Variants in PTPRG observed in about 807,000 individuals in gnomAD.
The protein encoded by PTPRG is receptor-type tyrosine-protein phosphatase gamma.
PTPRG carries 102 observed loss-of-function variants against 165.3 expected under a neutral mutation model. The observed-to-expected ratio is 0.62, with a 90% confidence interval of 0.53 to 0.73. The LOEUF (loss-of-function observed/expected upper bound fraction) is 0.73, where lower values mean the gene tolerates loss of function less well. PTPRG is among the 30% of genes least tolerant of loss of function. The pLI is 0.00. For synonymous variants in PTPRG, 675 were observed against 669.5 expected (o/e 1.01, Z -0.13); for missense variants, 1,866 against 1,861.4 (o/e 1.00, Z -0.05).
At chr3:61,953,043 G>A (rs2039936005) in intron 2 of PTPRG, among the ~76,000 whole-genome samples, 1 of 152,154 alleles carries the variant, frequency 6.6e-6, no homozygotes. Flanking sequence ...CTAGGATCCA[G>A]CAATGACTTT....
At chr3:62,044,433 G>A (rs11918711) in intron 4 of PTPRG, among the ~76,000 whole-genome samples, 3,433 of 152,204 alleles carry the variant, frequency 0.023, 125 homozygotes, top group African/African-American at 0.078. Flanking sequence ...CAGCTACTCA[G>A]GAGGCTGAGG....
At chr3:61,852,158 A>G (rs2036980978) in intron 2 of PTPRG, among the ~76,000 whole-genome samples, 1 of 152,276 alleles carries the variant, frequency 6.6e-6, no homozygotes, top group South Asian at 2.1e-4. Flanking sequence ...AGGTGTTTGG[A>G]TACAGTATTA....
At chr3:62,075,317 A>G (rs1701346943) in intron 4 of PTPRG, among the ~76,000 whole-genome samples, 1 of 152,180 alleles carries the variant, frequency 6.6e-6, no homozygotes, top group Admixed American at 6.5e-5. Context: ...AAAGAAAGTG[A>G]AGTGTAATTT....
intron 2 of PTPRG, among the ~76,000 whole-genome samples, chr3:61,899,436 G>C (rs1184461679): frequency 6.6e-6 from 1 of 152,222 alleles, no homozygotes; most frequent in African/African-American, 2.4e-5. Flanking sequence ...AGTTGTGTTT[G>C]AGAGTGAACA....
chr3:61,805,195 C>G (rs1049220626), intron 2 of PTPRG, among the ~76,000 whole-genome samples: 5 of 152,076 alleles, frequency 3.3e-5, no homozygotes, highest in Non-Finnish European at 5.9e-5. Context: ...GGGCTTTTGG[C>G]AATGTTTGGA....
chr3:62,211,701 T>C (rs2106864817), intron 12 of PTPRG, among the ~76,000 whole-genome samples: 1 of 152,304 alleles, frequency 6.6e-6, no homozygotes. Flanking sequence ...TCCCTACTCC[T>C]GATAGAGGCC....
At chr3:61,599,408 A>G (rs1199923392) in intron 1 of PTPRG, among the ~76,000 whole-genome samples, 1 of 152,156 alleles carries the variant, frequency 6.6e-6, no homozygotes, top group Non-Finnish European at 1.5e-5. Context: ...TTGGCTTCCC[A>G]AAGTGTTGAG....
chr3:61,798,620 T>C (rs778990848), intron 2 of PTPRG, among the ~76,000 whole-genome samples: 60 of 32,524 alleles, frequency 1.8e-3, no homozygotes, highest in Non-Finnish European at 2.8e-3. Context: ...TTGCTGCTGG[T>C]TTTTTTTTTT....
chr3:62,029,649 A>G (rs1405891586), intron 4 of PTPRG, among the ~76,000 whole-genome samples: 1 of 152,206 alleles, frequency 6.6e-6, no homozygotes, highest in Non-Finnish European at 1.5e-5. Flanking sequence ...GTGACCTTCA[A>G]ACCTCTTTTA....
chr3:61,973,221 T>C (rs1233790447), intron 2 of PTPRG, among the ~76,000 whole-genome samples: 1 of 152,246 alleles, frequency 6.6e-6, no homozygotes, highest in Non-Finnish European at 1.5e-5. Flanking sequence ...TTAGCAGTTT[T>C]ACCTGCAAGG....
chr3:61,833,573 C>CT (rs1418579644), intron 2 of PTPRG, among the ~76,000 whole-genome samples: 1 of 151,854 alleles, frequency 6.6e-6, no homozygotes, highest in Admixed American at 6.6e-5. Flanking sequence ...TTTTCTTTTT[C>CT]TTTTTTTGGA....
rs10541580 is a variant in PTPRG, at chr3:61,797,581, A to AC, written c.190+48608dup. Among the ~76,000 whole-genome samples, 550 of 127,368 alleles carry AC rather than the reference A, an allele frequency of 4.3e-3. 2 individuals carry two copies. The highest frequency in any genetic ancestry group is 8.7e-3 in the African/African-American group (293 of 33,528). 83.6% of individuals were successfully genotyped at this position (127,368 alleles called of 152,430 possible). A position where few individuals can be genotyped will look rare whatever the true frequency, so the allele number is the denominator to read the frequency against. ...CTAGCCTGGAGTCATTTATCTCCAC[A>AC]CCCCCCCCCACCCCCCCACCTCCCG... On this transcript the variant is annotated intron_variant, in intron 2 of 29. Transcript: ENST00000474889.
At chr3:61,603,095 C>T (rs1700911621) in intron 1 of PTPRG, among the ~76,000 whole-genome samples, 1 of 152,022 alleles carries the variant, frequency 6.6e-6, no homozygotes, top group South Asian at 2.1e-4. Context: ...ATATTTATAC[C>T]ATGGAAATCA....
chr3:61,971,712 G>A (rs1402298700), intron 2 of PTPRG, among the ~76,000 whole-genome samples: 3 of 152,214 alleles, frequency 2.0e-5, no homozygotes, highest in Non-Finnish European at 4.4e-5. Context: ...TGATGGAAGT[G>A]TTCTGAAACT....
chr3:61,912,937 G>A (rs1469830197), intron 2 of PTPRG, among the ~76,000 whole-genome samples: 1 of 151,866 alleles, frequency 6.6e-6, no homozygotes, highest in East Asian at 1.9e-4. Flanking sequence ...TTCTCATGCT[G>A]AAAATAACAT....
chr3:61,799,223 C>G (rs1238729602), intron 2 of PTPRG, among the ~76,000 whole-genome samples: 1 of 151,796 alleles, frequency 6.6e-6, no homozygotes, highest in African/African-American at 2.4e-5. Context: ...TATTGTTAAC[C>G]ATTTACATTA....
chr3:61,608,476 A>AAGG (rs1441659887), intron 1 of PTPRG, among the ~76,000 whole-genome samples: 1 of 152,034 alleles, frequency 6.6e-6, no homozygotes, highest in African/African-American at 2.4e-5. Flanking sequence ...GGGAATCTGT[A>AAGG]TTCTGTTTGC....
intron 2 of PTPRG, among the ~76,000 whole-genome samples, chr3:61,814,972 T>A (rs944511152): frequency 1.3e-5 from 2 of 152,034 alleles, no homozygotes; most frequent in Non-Finnish European, 2.9e-5. Context: ...TTTAAACTCA[T>A]ATCTGCCTAG....
chr3:62,193,205 T>C (rs563359649), intron 9 of PTPRG, among the ~76,000 whole-genome samples: 1 of 152,362 alleles, frequency 6.6e-6, no homozygotes, highest in Admixed American at 6.5e-5. Context: ...ATGCAGTTTC[T>C]TGTTCTAAGT....
Sources: allele counts gnomAD v4.1 joint callset (sites outside exome capture counted in the v4.1 genomes callset), GRCh38; gene constraint gnomAD v4.1.1; transcripts MANE v1.5; gene names NCBI Gene and HGNC (gene_info 2026-07-23, HGNC 2026-07-21).